The following IFT25 variants were observed in gnomAD, a reference collection of about 807,000 sequenced individuals.
IFT25 encodes intraflagellar transport 25.
the IFT25 span, among the ~76,000 whole-genome samples, chr1:53,931,771 CTT>C: frequency 6.6e-6 from 1 of 152,032 alleles, no homozygotes; most frequent in South Asian, 2.1e-4. Context: ...AGGTTTATAA[CTT>C]TTATTAATCC....
chr1:53,932,036 T>G, the IFT25 span, among the ~76,000 whole-genome samples: 6 of 152,200 alleles, frequency 3.9e-5, no homozygotes, highest in Non-Finnish European at 7.3e-5. Context: ...GTATGTTACA[T>G]TTTCAACGTC....
the IFT25 span, chr1:53,930,076 A>G: frequency 2.2e-5 from 35 of 1,577,274 alleles, no homozygotes; most frequent in East Asian, 7.2e-4. Context: ...CAATCCTTAC[A>G]TGTTTGTGGA....
chr1:53,939,090 A>G, the IFT25 span, among the ~76,000 whole-genome samples: 4 of 149,314 alleles, frequency 2.7e-5, no homozygotes, highest in East Asian at 7.8e-4. Context: ...AAAAAAAAAA[A>G]AAAAAAAAAA....
chr1:53,925,377 T>C, the IFT25 span, among the ~76,000 whole-genome samples: 1 of 152,158 alleles, frequency 6.6e-6, no homozygotes, highest in Non-Finnish European at 1.5e-5. Context: ...TTGAAAAATA[T>C]CGGCTGGGCA....
chr1:53,924,784 C>T, the IFT25 span, among the ~76,000 whole-genome samples: 1 of 152,096 alleles, frequency 6.6e-6, no homozygotes, highest in African/African-American at 2.4e-5. Flanking sequence ...TTGCAGTGAG[C>T]CGAGATCGCG....
At chr1:53,945,261 T>C in the IFT25 span, among the ~76,000 whole-genome samples, 6 of 152,340 alleles carry the variant, frequency 3.9e-5, no homozygotes, top group African/African-American at 1.4e-4. Context: ...TTACATTACA[T>C]TTTGGTAGAC....
the IFT25 span, among the ~76,000 whole-genome samples, chr1:53,936,521 C>T: frequency 6.6e-6 from 1 of 152,118 alleles, no homozygotes; most frequent in Admixed American, 6.5e-5. Context: ...TGGTAGTTTT[C>T]TTTTAAATAC....
chr1:53,946,284 T>G, the IFT25 span: 1 of 151,218 alleles, frequency 6.6e-6, no homozygotes, highest in Non-Finnish European at 1.5e-5. Context: ...GCCCTGGGCC[T>G]GGCCCCGCCT....
chr1:53,940,124 G>A, the IFT25 span: 1 of 1,127,120 alleles, frequency 8.9e-7, no homozygotes. Context: ...AACAAAAAAA[G>A]CAACTTCTTG....
the IFT25 span, among the ~76,000 whole-genome samples, chr1:53,936,998 G>C: frequency 1.3e-5 from 2 of 152,140 alleles, no homozygotes; most frequent in Non-Finnish European, 2.9e-5. Context: ...GGAATGGAGA[G>C]TTTGGAACAG....
the IFT25 span, chr1:53,916,987 C>CA: frequency 7.7e-6 from 2 of 259,382 alleles, no homozygotes; most frequent in Non-Finnish European, 1.5e-5. Flanking sequence ...ACTAAAAATG[C>CA]AAAAAAATTA....
chr1:53,919,728 A>G, the IFT25 span, among the ~76,000 whole-genome samples: 1 of 152,186 alleles, frequency 6.6e-6, no homozygotes, highest in East Asian at 1.9e-4. Flanking sequence ...CAATCTTTCA[A>G]TTAATGCTCA....
the IFT25 span, among the ~76,000 whole-genome samples, chr1:53,923,248 AT>A: frequency 2.0e-5 from 3 of 152,210 alleles, no homozygotes; most frequent in Non-Finnish European, 4.4e-5. Flanking sequence ...ATAAGGTACT[AT>A]TTTAACCCTC....
chr1:53,928,456 A>G, the IFT25 span: 5 of 1,569,830 alleles, frequency 3.2e-6, no homozygotes, highest in Non-Finnish European at 4.4e-6. Context: ...ATTGTAAACA[A>G]AGTAAGTAAA....
chr1:53,923,803 A>C, the IFT25 span: 3 of 777,132 alleles, frequency 3.9e-6, no homozygotes, highest in East Asian at 7.4e-5. Context: ...ACAAACCTAT[A>C]ATATCATGAG....
the IFT25 span, chr1:53,928,324 A>C: frequency 7.4e-7 from 1 of 1,350,140 alleles, no homozygotes; most frequent in Non-Finnish European, 1.1e-6. Context: ...AATCAAAGGA[A>C]TATTATCTAC....
the IFT25 span, among the ~76,000 whole-genome samples, chr1:53,919,762 A>G: frequency 6.6e-6 from 1 of 151,836 alleles, no homozygotes; most frequent in Non-Finnish European, 1.5e-5. Flanking sequence ...GCCTATATCA[A>G]TGTTTAATTT....
the IFT25 span, among the ~76,000 whole-genome samples, chr1:53,935,565 T>C: frequency 6.6e-6 from 1 of 152,050 alleles, no homozygotes; most frequent in Non-Finnish European, 1.5e-5. Flanking sequence ...AATGGGCGAA[T>C]TGTATGGTAT....
At chr1:53,927,344 C>T in the IFT25 span, among the ~76,000 whole-genome samples, 1 of 152,138 alleles carries the variant, frequency 6.6e-6, no homozygotes, top group African/African-American at 2.4e-5. Context: ...GATGAATGTT[C>T]CAGTCTCCCA....
Sources: allele counts gnomAD v4.1 joint callset (sites outside exome capture counted in the v4.1 genomes callset), GRCh38; gene constraint gnomAD v4.1.1; transcripts MANE v1.5; gene names NCBI Gene and HGNC (gene_info 2026-07-23, HGNC 2026-07-21).